ENPP1: variants seen among roughly 807,000 people sequenced by gnomAD.
ENPP1 encodes the protein ectonucleotide pyrophosphatase/phosphodiesterase family member 1.
ENPP1 carries 73 observed loss-of-function variants against 122.8 expected under a neutral mutation model. The observed-to-expected ratio is 0.59, with a 90% CI of 0.49 to 0.72. The LOEUF (loss-of-function observed/expected upper bound fraction) is 0.72. ENPP1 is among the 30% of genes least tolerant of loss of function. The pLI, the probability that ENPP1 is intolerant of heterozygous loss-of-function variation, is 0.00. For synonymous variants in ENPP1, 367 were observed against 391.6 expected (o/e 0.94, Z 0.74); for missense variants, 978 against 1,128.1 (o/e 0.87, Z 1.91).
At chr6:131,879,522 T>C (rs977718982) in intron 19 of ENPP1, among the ~76,000 whole-genome samples, 5 of 152,184 alleles carry the variant, frequency 3.3e-5, no homozygotes, top group African/African-American at 1.2e-4. Context: ...CAAGTACACA[T>C]ATCATTAAAA....
At chr6:131,831,375 C>T (rs1443551490) in intron 1 of ENPP1, among the ~76,000 whole-genome samples, 1 of 152,112 alleles carries the variant, frequency 6.6e-6, no homozygotes, top group Non-Finnish European at 1.5e-5. Context: ...TGTTACAGCT[C>T]ATGAATCAAC....
chr6:131,819,939 C>CTTTTTT, intron 1 of ENPP1: 1 of 440,886 alleles, frequency 2.3e-6, no homozygotes, highest in Non-Finnish European at 4.2e-6. Flanking sequence ...TCCATAGCTT[C>CTTTTTT]TTTTTTTTTT....
intron 1 of ENPP1, among the ~76,000 whole-genome samples, chr6:131,818,751 G>C (rs1025909117): frequency 6.6e-6 from 1 of 152,152 alleles, no homozygotes; most frequent in Non-Finnish European, 1.5e-5. Flanking sequence ...TATGCATGTA[G>C]CATATCTGCT....
chr6:131,811,259 A>G (rs574029466), intron 1 of ENPP1, among the ~76,000 whole-genome samples: 2 of 152,236 alleles, frequency 1.3e-5, no homozygotes, highest in African/African-American at 2.4e-5. Flanking sequence ...ATGAATACAT[A>G]TATCTGTGTA....
In ENPP1 at chr6:131,872,950, C is replaced by T. The variant is rs769417473; in HGVS notation, c.1465C>T (p.Pro489Ser). The T allele has an allele frequency of 1.9e-6, 3 of 1,613,648 alleles. No individual in the cohort carries two copies. Among genetic ancestry groups the T allele is most frequent in the African/African-American group, 1.3e-5 (1 of 74,880 alleles). Reference sequence around the variant, plus strand: ...CCGGGAACCAAACCAGCACTTCAAACCTTACCTGAAACATTTCTTACCTAA... The same window carrying T: ...CCGGGAACCAAACCAGCACTTCAAATCTTACCTGAAACATTTCTTACCTAA... ...SCREPNQHFK[P>S]YLKHFLPKRL... Residue 489 changes from proline to serine, a missense_variant, in exon 15 of 25, where the codon CCT becomes TCT. Coordinates refer to ENST00000647893, the MANE Select transcript of ENPP1 (RefSeq NM_006208.3).
chr6:131,815,671 C>T (rs1175511475), intron 1 of ENPP1, among the ~76,000 whole-genome samples: 1 of 150,664 alleles, frequency 6.6e-6, no homozygotes, highest in African/African-American at 2.4e-5. Flanking sequence ...ATTAACCTTT[C>T]TAGAGCATTT....
intron 1 of ENPP1, among the ~76,000 whole-genome samples, chr6:131,845,935 A>G (rs1018156241): frequency 6.6e-6 from 1 of 152,080 alleles, no homozygotes; most frequent in Non-Finnish European, 1.5e-5. Context: ...ACAAAGAAAA[A>G]CACATGTTTT....
chr6:131,834,750 G>A (rs1350701849), intron 1 of ENPP1, among the ~76,000 whole-genome samples: 2 of 151,534 alleles, frequency 1.3e-5, no homozygotes, highest in Non-Finnish European at 2.9e-5. Flanking sequence ...TAGTAGAGAC[G>A]GGGTTTCACC....
At chr6:131,846,638 G>A (rs1170392870) in intron 1 of ENPP1, among the ~76,000 whole-genome samples, 7 of 152,170 alleles carry the variant, frequency 4.6e-5, no homozygotes, top group Admixed American at 1.3e-4. Flanking sequence ...CCACTGATGT[G>A]CTGTTTTTAA....
At position 131,878,561 on chromosome 6, in the gene ENPP1, T is replaced by C; in HGVS notation, c.1913T>C (p.Phe638Ser). The C allele has an allele frequency of 6.2e-7, 1 of 1,612,890 alleles. No homozygotes were observed. The highest frequency in any genetic ancestry group is 8.5e-7 in the Non-Finnish European group (1 of 1,179,016). Residue 638 changes from phenylalanine (F) to serine (S), a missense_variant, in exon 19 of 25, where the codon TTT becomes TCT. Phe to Ser is a radical substitution (Grantham distance 155). Transcript: ENST00000647893. ...TTTTAGATTTTGCCGATTGAGGATT[T>C]TCAAACACAGTTCAATCTGACTGTG... ...CNPSILPIEDFQTQFNLTVAE... is the reference protein window; with the variant it reads ...CNPSILPIEDSQTQFNLTVAE...
chr6:131,821,895 G>A (rs1298677221), intron 1 of ENPP1, among the ~76,000 whole-genome samples: 1 of 152,184 alleles, frequency 6.6e-6, no homozygotes, highest in Non-Finnish European at 1.5e-5. Context: ...CAGGTTAAAT[G>A]TCCTTGGCCC....
Position 131,882,357 on chromosome 6 carries a change from A to G in ENPP1, c.2113A>G (p.Thr705Ala), listed in dbSNP as rs770628042. ...YTVDRNDSFSTEDFSNCLYQD... is the reference protein window; with the variant it reads ...YTVDRNDSFSAEDFSNCLYQD... The stretch of plus-strand genomic sequence containing the variant: ...TTTCGTTCTTCAGGACAGTTTCTCT[A>G]CGGAAGACTTCTCCAACTGTCTGTA... Residue 705 changes from threonine (T) to alanine (A), a missense_variant, in exon 21 of 25, where the codon ACG becomes GCG. Around this residue, in one of 3 missense-constraint regions of ENPP1, gnomAD observed 644 missense variants for 781.5 expected, o/e 0.82. Coordinates refer to ENST00000647893, the MANE Select transcript of ENPP1 (RefSeq NM_006208.3). The G allele has an allele frequency of 6.2e-7, 1 of 1,602,742 alleles. No individual in the cohort carries two copies. Among genetic ancestry groups the G allele is most frequent in the South Asian group, 1.1e-5 (1 of 90,958 alleles).
rs1282032071 is a variant in ENPP1 at position 131,894,268 on chromosome 6, C to G, written c.*3757C>G. 1.3e-5 allele frequency: 2 copies of G among 149,490 alleles called. No individual in the cohort carries two copies. Among genetic ancestry groups the G allele is most frequent in the African/African-American group, 5.0e-5 (2 of 40,180 alleles). The allele number at this position is 149,490 out of a possible 1,614,324, so 9.3% of individuals were successfully genotyped here. A position where few individuals can be genotyped will look rare whatever the true frequency, so the allele number is the denominator to read the frequency against. On this transcript the variant is annotated 3_prime_UTR_variant, in exon 25 of 25. Coordinates refer to ENST00000647893, the MANE Select transcript of ENPP1 (RefSeq NM_006208.3). Reference sequence around the variant, plus strand: ...TGCCTCCAGCCTATCCTGATTTCTACTGTCATGCCTCACATCAGTCCTTTT... The same window carrying G: ...TGCCTCCAGCCTATCCTGATTTCTAGTGTCATGCCTCACATCAGTCCTTTT...
intron 1 of ENPP1, among the ~76,000 whole-genome samples, chr6:131,843,483 A>G (rs1246273538): frequency 6.6e-6 from 1 of 152,156 alleles, no homozygotes; most frequent in Admixed American, 6.5e-5. Context: ...TACCATTTAA[A>G]TGCTTGCTTA....
intron 12 of ENPP1, 102 bp from the exon 13 acceptor site, chr6:131,869,256 A>G (rs1782127653): frequency 3.7e-6 from 4 of 1,087,100 alleles, no homozygotes; most frequent in South Asian, 2.6e-5. Flanking sequence ...TGCTACACCC[A>G]TGTTTAACGA....
At chr6:131,859,990 C>A (rs1004987255) in intron 7 of ENPP1, among the ~76,000 whole-genome samples, 4 of 152,096 alleles carry the variant, frequency 2.6e-5, no homozygotes, top group Admixed American at 2.6e-4. Context: ...CTGAGTTGGT[C>A]ATGTCCCACG....
Position 131,864,506 on chromosome 6 carries a change from T to A in ENPP1, c.1026T>A (p.Gly342=), listed in dbSNP as rs1361941942. The stretch of plus-strand genomic sequence containing the variant: ...TATTTTTGTTTGTTCTTCATTTTAG[T>A]TCAGTACCATTTGAAGAAAGGATTT... ...IFPDIYKMYN[G]SVPFEERILA... is the part of the protein sequence containing the mutation. The change falls in exon 10 of 25, where the codon GGT becomes GGA. Residue 342 remains glycine, a splice_region_variant and synonymous_variant. Transcript: ENST00000647893. 1 of 1,599,230 alleles carries A rather than the reference T, an allele frequency of 6.3e-7. No individual in the cohort carries two copies. The highest frequency in any genetic ancestry group is 1.7e-5 in the Admixed American group (1 of 60,004).
intron 1 of ENPP1, among the ~76,000 whole-genome samples, chr6:131,818,596 C>T (rs1781446021): frequency 6.6e-6 from 1 of 150,908 alleles, no homozygotes; most frequent in African/African-American, 2.4e-5. Context: ...TGCAGTGAGC[C>T]GAGATCGTGC....
chr6:131,864,800 T>C (rs568231821), intron 10 of ENPP1, 66 bp from the exon 11 acceptor site: 137 of 1,075,544 alleles, frequency 1.3e-4, no homozygotes, highest in Non-Finnish European at 1.6e-4. Flanking sequence ...AATTGATGAA[T>C]TATTTTTTCC....
Sources: allele counts gnomAD v4.1 joint callset (sites outside exome capture counted in the v4.1 genomes callset), GRCh38; gene constraint gnomAD v4.1.1; regional missense constraint gnomAD v4.1.1; transcripts MANE v1.5; gene names NCBI Gene and HGNC (gene_info 2026-07-23, HGNC 2026-07-21).